Variants in BCKDK observed in about 807,000 individuals in gnomAD.
The protein encoded by BCKDK is branched chain keto acid dehydrogenase kinase.
BCKDK carries 28 observed loss-of-function variants against 43.9 expected under a neutral mutation model. That is an observed-to-expected ratio of 0.64 (90% confidence interval 0.47 to 0.87). The LOEUF is 0.87. Ranked by LOEUF, BCKDK falls within the 40% of genes least tolerant of loss-of-function variation. The pLI is 0.00. For missense variants in BCKDK, 483 were observed against 581.4 expected, an observed-to-expected ratio of 0.83 and a Z score of 1.74; for synonymous variants, 257 against 234.3, an observed-to-expected ratio of 1.10 and a Z score of -0.88.
chr16:31,109,100 T>C lies in BCKDK; in HGVS notation c.-124T>C. 1.2e-6 allele frequency: 1 copy of C among 842,034 alleles called. No homozygotes were observed. The highest frequency in any genetic ancestry group is 1.7e-6 in the Non-Finnish European group (1 of 583,056). 52.2% of individuals were successfully genotyped at this position (842,034 alleles called of 1,614,324 possible). A position where few individuals can be genotyped will look rare whatever the true frequency, so the allele number is the denominator to read the frequency against. ...TGTCAGCATCCTCGACGCACCCTGGTCCCTGAAGTCGGAGAAGAGCCCCTA... is the reference window on the plus strand; with the variant it reads ...TGTCAGCATCCTCGACGCACCCTGGCCCCTGAAGTCGGAGAAGAGCCCCTA... On this transcript the variant is annotated 5_prime_UTR_variant, in exon 2 of 12. Coordinates refer to ENST00000219794, the MANE Select transcript of BCKDK (RefSeq NM_005881.4). This position sits in a 1 kb window ranked among gnomAD's most constrained non-coding sequence, Gnocchi z 5.3.
At position 31,112,070 on chromosome 16, in the gene BCKDK, G is replaced by A. The variant is rs762920594; in HGVS notation, c.1094+43G>A. ...CAGGATGGAGGGGTGGGGGACCCCAGGAGACTCAAGCCTCTGAAGCCTCCT... is the reference window on the plus strand; with the variant it reads ...CAGGATGGAGGGGTGGGGGACCCCAAGAGACTCAAGCCTCTGAAGCCTCCT... On this transcript the variant is annotated intron_variant, in intron 11 of 11. Coordinates refer to ENST00000219794, the MANE Select transcript of BCKDK (RefSeq NM_005881.4). This position sits in a 1 kb window ranked among gnomAD's most constrained non-coding sequence, Gnocchi z 5.0. 5.0e-6 allele frequency: 8 copies of A among 1,611,684 alleles called. No individual in the cohort carries two copies. The highest frequency in any genetic ancestry group is 6.8e-6 in the Non-Finnish European group (8 of 1,178,718).
chr16:31,117,590 C>G, downstream of BCKDK: 1 of 1,116,276 alleles, frequency 9.0e-7, no homozygotes, highest in Non-Finnish European at 1.2e-6. Context: ...AGACCCCGCC[C>G]TCAAACCTTG....
chr16:31,111,062 C>T (rs1567429308), intron 8 of BCKDK, 29 bp from the exon 9 acceptor site: 2 of 1,611,908 alleles, frequency 1.2e-6, no homozygotes, highest in South Asian at 2.2e-5. Flanking sequence ...TGGAGGGGCC[C>T]CTGACTGAAC....
chr16:31,109,141 T>C lies in BCKDK; in HGVS notation c.-83T>C. On this transcript the variant is annotated 5_prime_UTR_variant, in exon 2 of 12. Coordinates refer to ENST00000219794, the MANE Select transcript of BCKDK (RefSeq NM_005881.4). The surrounding 1 kb of genome is among the most constrained non-coding windows in gnomAD (Gnocchi z 5.3). ...AGAGCCCCTACCCACCCACACCCCC[T>C]TGCCCCATTTTGGGTCGCCTGGGTC... 1.8e-5 allele frequency: 11 copies of C among 626,470 alleles called. No individual in the cohort carries two copies. Among genetic ancestry groups the C allele is most frequent in the African/African-American group, 1.9e-5 (1 of 52,036 alleles). The allele number at this position is 626,470 out of a possible 1,614,324, so 38.8% of individuals were successfully genotyped here. A position where few individuals can be genotyped will look rare whatever the true frequency, so the allele number is the denominator to read the frequency against.
At chr16:31,116,124 G>T (rs1186389287), downstream of BCKDK, among the ~76,000 whole-genome samples, 1 of 150,720 alleles carries the variant, frequency 6.6e-6, no homozygotes, top group African/African-American at 2.4e-5. Context: ...CATCGTGTTA[G>T]CCAGAATAGT....
downstream of BCKDK, chr16:31,117,402 T>TAAATAAATA (rs753420395): frequency 3.1e-3 from 553 of 180,888 alleles, 4 homozygotes; most frequent in South Asian, 0.028. Flanking sequence ...ATAAATAAAT[T>TAAATAAATA]AAAAAAAGGT....
In BCKDK at chr16:31,111,891, A is replaced by G; in HGVS notation, c.958A>G (p.Ile320Val). 1 of 1,614,158 alleles carries G rather than the reference A, an allele frequency of 6.2e-7. No homozygotes were observed. Among genetic ancestry groups the G allele is most frequent in the South Asian group, 1.1e-5 (1 of 91,088 alleles). ...TAGGATCTCAGACCGTGGTGGAGGA[A>G]TCGCTCACAAAGATCTGGACCGGGT... ...IIRISDRGGG[I>V]AHKDLDRVMD... Residue 320 changes from isoleucine to valine, a missense_variant, in exon 11 of 12, where the codon ATC becomes GTC. Physicochemically the swap from Ile to Val is conservative, Grantham distance 29. Transcript: ENST00000219794.
chr16:31,114,817 T>C (rs983227137), downstream of BCKDK, among the ~76,000 whole-genome samples: 4 of 152,220 alleles, frequency 2.6e-5, no homozygotes, highest in Admixed American at 6.5e-5. Flanking sequence ...AGTCCTACAG[T>C]TGGCCCTGCC....
rs954904121 is a variant in BCKDK at position 31,108,434 on chromosome 16, G to C, written c.-223G>C. On this transcript the variant is annotated 5_prime_UTR_variant, in exon 1 of 12. Transcript: ENST00000219794. This position sits in a 1 kb window ranked among gnomAD's most constrained non-coding sequence, Gnocchi z 6.2. The stretch of plus-strand genomic sequence containing the variant: ...CGGCTGGGCGCCTGGCGAGTGGACT[G>C]TTCGAGCCCTTCCGCTGGGACCCGG... 4 of 152,254 alleles carry C rather than the reference G, an allele frequency of 2.6e-5. No homozygotes were observed. The highest frequency in any genetic ancestry group is 4.8e-5 in the African/African-American group (2 of 41,464). The allele number at this position is 152,254 out of a possible 1,614,324, so 9.4% of individuals were successfully genotyped here. A position where few individuals can be genotyped will look rare whatever the true frequency, so the allele number is the denominator to read the frequency against.
rs1337266258 is a variant in BCKDK at position 31,112,578 on chromosome 16, C to T, written c.*313C>T. On this transcript the variant is annotated 3_prime_UTR_variant, in exon 12 of 12. Transcript: ENST00000219794. The surrounding 1 kb of genome is among the most constrained non-coding windows in gnomAD (Gnocchi z 5.0). ...ACATTTTGAATGCCCTCTCGGGCCCCGTGTGTGGGGAGGGCAGGTGAACTT... is the reference window on the plus strand; with the variant it reads ...ACATTTTGAATGCCCTCTCGGGCCCTGTGTGTGGGGAGGGCAGGTGAACTT... 4.2e-5 allele frequency: 20 copies of T among 474,986 alleles called. No homozygotes were observed. The highest frequency in any genetic ancestry group is 5.9e-4 in the Middle Eastern group (1 of 1,692). 29.4% of individuals were successfully genotyped at this position (474,986 alleles called of 1,614,324 possible).
Position 31,110,374 on chromosome 16 carries a change from G to C in BCKDK, c.544-27G>C, listed in dbSNP as rs1369761802. ...GGCCTGCTGGGGGTGGGAAGGGCAC[G>C]GGATTCTGAGACCTCACTCTTTACA... On this transcript the variant is annotated intron_variant, in intron 6 of 11. Coordinates refer to ENST00000219794, the MANE Select transcript of BCKDK (RefSeq NM_005881.4). The surrounding 1 kb of genome is among the most constrained non-coding windows in gnomAD (Gnocchi z 5.4). 7.4e-6 allele frequency: 12 copies of C among 1,613,884 alleles called. No individual in the cohort carries two copies. The highest frequency in any genetic ancestry group is 1.3e-5 in the African/African-American group (1 of 74,918).
chr16:31,114,338 G>C (rs565312762), downstream of BCKDK, among the ~76,000 whole-genome samples: 1 of 74,116 alleles, frequency 1.3e-5, no homozygotes, highest in African/African-American at 5.2e-5. Flanking sequence ...TCAGCCTCCC[G>C]AGTAGCTGGG....
downstream of BCKDK, among the ~76,000 whole-genome samples, chr16:31,116,971 G>C (rs924318924): frequency 6.6e-6 from 1 of 150,760 alleles, no homozygotes; most frequent in Non-Finnish European, 1.5e-5. Context: ...GCGAGTGTGC[G>C]GCTCCAGGCC....
At position 31,111,125 on chromosome 16, in the gene BCKDK, C is replaced by T. The variant is rs1802070; in HGVS notation, c.751C>T (p.Arg251Cys). The T allele has an allele frequency of 1.4e-5, 22 of 1,614,048 alleles. No homozygotes were observed. Among genetic ancestry groups the T allele is most frequent in the South Asian group, 2.2e-5 (2 of 91,090 alleles). ...LCEHKYGNAPRVRINGHVAAR... is the reference protein window; with the variant it reads ...LCEHKYGNAPCVRINGHVAAR... ...TGAGCACAAGTATGGCAATGCGCCC[C>T]GTGTCCGCATCAATGGCCATGTGGC... The change falls in exon 9 of 12, where the codon CGT becomes TGT. Residue 251 changes from arginine (R) to cysteine (C), a missense_variant. By Grantham distance (180) the Arg-to-Cys change is radical. Coordinates refer to ENST00000219794, the MANE Select transcript of BCKDK (RefSeq NM_005881.4).
Position 31,109,952 on chromosome 16 carries a change from G to A in BCKDK, c.376-125G>A. 1 of 1,452,524 alleles carries A rather than the reference G, an allele frequency of 6.9e-7. No individual in the cohort carries two copies. The highest frequency in any genetic ancestry group is 9.6e-7 in the Non-Finnish European group (1 of 1,038,254). The allele number at this position is 1,452,524 out of a possible 1,614,324, so 90.0% of individuals were successfully genotyped here. ...GTGTGTATTCACGGAGCCTGGAAGG[G>A]TCGAAGTGGGGGTTTGATCACGTGG... On this transcript the variant is annotated intron_variant, in intron 4 of 11. Transcript: ENST00000219794. The surrounding 1 kb of genome is among the most constrained non-coding windows in gnomAD (Gnocchi z 5.3).
chr16:31,111,671 C>T (rs1477534027), intron 10 of BCKDK, among the ~76,000 whole-genome samples, 198 bp from the exon 11 acceptor site: 1 of 152,108 alleles, frequency 6.6e-6, no homozygotes, highest in Admixed American at 6.5e-5. Context: ...ATAAATGTCA[C>T]ATCCTGTGAG....
Position 31,110,222 on chromosome 16 carries a change from C to G in BCKDK, c.441C>G (p.Asp147Glu), listed in dbSNP as rs1347807453. 1 of 1,614,038 alleles carries G rather than the reference C, an allele frequency of 6.2e-7. No homozygotes were observed. Among genetic ancestry groups the G allele is most frequent in the Non-Finnish European group, 8.5e-7 (1 of 1,179,994 alleles). The change falls in exon 6 of 12, where the codon GAC becomes GAG. Residue 147 changes from aspartate to glutamate, a missense_variant. Physicochemically the swap from Asp to Glu is conservative, Grantham distance 45. Transcript: ENST00000219794. The surrounding 1 kb of genome is among the most constrained non-coding windows in gnomAD (Gnocchi z 5.4). ...ACCTGCAGATCAAGGACCAGGCGGA[C>G]GAGGCCCAGTACTGCCAGCTGGTGC... ...TDFPPIKDQA[D>E]EAQYCQLVRQ...
rs1457010543 is a variant in BCKDK, at chr16:31,112,118, C to T, written c.1095-3C>T. On this transcript the variant is annotated splice_polypyrimidine_tract_variant and splice_region_variant and intron_variant, in intron 11 of 11. Coordinates refer to ENST00000219794, the MANE Select transcript of BCKDK (RefSeq NM_005881.4). This position sits in a 1 kb window ranked among gnomAD's most constrained non-coding sequence, Gnocchi z 5.0. ...CCTGTCCTGTCCCCCTGCCCACCCC[C>T]AGCTTTGGCTTCGGGTTGCCCACGT... is the stretch of plus-strand genomic sequence containing the variant. 3 of 1,608,290 alleles carry T rather than the reference C, an allele frequency of 1.9e-6. No individual in the cohort carries two copies. The highest frequency in any genetic ancestry group is 2.2e-5 in the East Asian group (1 of 44,776).
Position 31,112,601 on chromosome 16 carries a change from C to A in BCKDK, c.*336C>A. The A allele has an allele frequency of 2.3e-6, 1 of 425,770 alleles. No homozygotes were observed. The allele number at this position is 425,770 out of a possible 1,614,324, so 26.4% of individuals were successfully genotyped here. On this transcript the variant is annotated 3_prime_UTR_variant, in exon 12 of 12. Coordinates refer to ENST00000219794, the MANE Select transcript of BCKDK (RefSeq NM_005881.4). This position sits in a 1 kb window ranked among gnomAD's most constrained non-coding sequence, Gnocchi z 5.0. The stretch of plus-strand genomic sequence containing the variant: ...CCCGTGTGTGGGGAGGGCAGGTGAA[C>A]TTTTGTTTCTGCCCCCATTCAGGTT...
Sources: allele counts gnomAD v4.1 joint callset (sites outside exome capture counted in the v4.1 genomes callset), GRCh38; gene constraint gnomAD v4.1.1; non-coding constraint Gnocchi (gnomAD v3.1); transcripts MANE v1.5; gene names NCBI Gene and HGNC (gene_info 2026-07-23, HGNC 2026-07-21).